Variants in NSD3 observed in about 807,000 individuals in gnomAD.
NSD3 encodes the protein histone-lysine N-methyltransferase NSD3.
A neutral mutation model predicts 160.8 loss-of-function variants in NSD3; 24 were observed. The observed-to-expected ratio is 0.15, with a 90% CI of 0.11 to 0.21. The LOEUF is 0.21. Among genes scored for constraint, NSD3 ranks in the 10% least tolerant of loss-of-function variants. NSD3 has a pLI of 1.00. For missense variants in NSD3, 1,157 were observed against 1,735.9 expected, an observed-to-expected ratio of 0.67 and a Z score of 5.93; for synonymous variants, 520 against 600.0, an observed-to-expected ratio of 0.87 and a Z score of 1.95.
intron 5 of NSD3, among the ~76,000 whole-genome samples, chr8:38,330,466 G>T (rs1023187923): frequency 6.6e-6 from 1 of 152,190 alleles, no homozygotes; most frequent in African/African-American, 2.4e-5. Context: ...CTGAATTATA[G>T]TTTCCATAGG....
At chr8:38,346,986 TATAA>T (rs761631526) in intron 2 of NSD3, among the ~76,000 whole-genome samples, 5 of 152,202 alleles carry the variant, frequency 3.3e-5, no homozygotes, top group Non-Finnish European at 7.4e-5. Flanking sequence ...TTAAGTTACC[TATAA>T]AGGATGACTT....
Position 38,317,305 on chromosome 8 carries a change from A to G in NSD3, c.1856-1263T>C, listed in dbSNP as rs1809688747. ...GTGCCTGCCCATGTTAATGCTGATTAAAAAACACAAGTACACAAATCTATC... is the reference window on the plus strand; with the variant it reads ...GTGCCTGCCCATGTTAATGCTGATTGAAAAACACAAGTACACAAATCTATC... On this transcript the variant is annotated intron_variant, in intron 9 of 23. Coordinates refer to ENST00000317025, the MANE Select transcript of NSD3 (RefSeq NM_023034.2). This position sits in a 1 kb window ranked among gnomAD's most constrained non-coding sequence, Gnocchi z 5.3. The G allele has an allele frequency of 9.4e-7, 1 of 1,058,904 alleles. No homozygotes were observed. The highest frequency in any genetic ancestry group is 5.4e-5 in the Admixed American group (1 of 18,476). The allele number at this position is 1,058,904 out of a possible 1,614,324, so 65.6% of individuals were successfully genotyped here.
intron 19 of NSD3, among the ~76,000 whole-genome samples, chr8:38,284,412 G>C (rs1808809130): frequency 1.3e-5 from 2 of 152,152 alleles, no homozygotes; most frequent in South Asian, 4.1e-4. Context: ...TTTTGAGACG[G>C]AGTTTCACTC....
chr8:38,346,875 A>T (rs182332952), intron 2 of NSD3, among the ~76,000 whole-genome samples: 30 of 150,830 alleles, frequency 2.0e-4, no homozygotes, highest in Non-Finnish European at 3.3e-4. Flanking sequence ...TATATTATGA[A>T]CTCTTCATTT....
At chr8:38,369,790 T>TTTTTG (rs1287035263) in intron 1 of NSD3, among the ~76,000 whole-genome samples, 1 of 150,066 alleles carries the variant, frequency 6.7e-6, no homozygotes, top group Admixed American at 6.6e-5. Flanking sequence ...TTGTTTTTTG[T>TTTTTG]TTTTGTTTTT....
At position 38,276,457 on chromosome 8, in the gene NSD3, T is replaced by C. The variant is rs1308088116; in HGVS notation, c.3911A>G (p.Lys1304Arg). The change falls in exon 23 of 24, where the codon AAG becomes AGG. Residue 1304 changes from lysine (K) to arginine (R), a missense_variant. Lys to Arg is a conservative substitution (Grantham distance 26). Coordinates refer to ENST00000317025, the MANE Select transcript of NSD3 (RefSeq NM_023034.2). The stretch of plus-strand genomic sequence containing the variant: ...GATCTTTCGTCTCTTCTGTTTTAAC[T>C]TAGCATTTTTTGCCTTCTCTTCATT... ...STNEEKAKNA[K>R]LKQKRRKIKT... is the part of the protein sequence containing the mutation. The C allele has an allele frequency of 6.2e-7, 1 of 1,614,246 alleles. No individual in the cohort carries two copies. Among genetic ancestry groups the C allele is most frequent in the Non-Finnish European group, 8.5e-7 (1 of 1,180,038 alleles).
At position 38,272,016 on chromosome 8, in the gene NSD3, C is replaced by G. The variant is rs1808494539; in HGVS notation, c.*3625G>C. The G allele has an allele frequency of 6.6e-6, 1 of 152,202 alleles. No homozygotes were observed. 9.4% of individuals were successfully genotyped at this position (152,202 alleles called of 1,614,324 possible). A position where few individuals can be genotyped will look rare whatever the true frequency, so the allele number is the denominator to read the frequency against. Reference sequence around the variant, plus strand: ...CTGGGTTTGACCTATTGGAATACACCATGCAAGAAACTACTCAAAAAGGAA... The same window carrying G: ...CTGGGTTTGACCTATTGGAATACACGATGCAAGAAACTACTCAAAAAGGAA... On this transcript the variant is annotated 3_prime_UTR_variant, in exon 24 of 24. Transcript: ENST00000317025.
chr8:38,373,504 TTTTG>T (rs1398746971), intron 1 of NSD3, among the ~76,000 whole-genome samples: 4 of 152,202 alleles, frequency 2.6e-5, no homozygotes, highest in Non-Finnish European at 5.9e-5. Context: ...TTCTTAAAGT[TTTTG>T]TTTGTTTTTT....
chr8:38,300,691 G>A (rs1164559546), intron 14 of NSD3, among the ~76,000 whole-genome samples: 1 of 152,156 alleles, frequency 6.6e-6, no homozygotes, highest in Non-Finnish European at 1.5e-5. Context: ...AATTCATGAT[G>A]TAGCTATAAG....
intron 1 of NSD3, among the ~76,000 whole-genome samples, chr8:38,372,495 C>CT (rs565709775): frequency 0.014 from 1,825 of 132,700 alleles, 34 homozygotes; most frequent in African/African-American, 0.038. Context: ...TCTTCAGGTT[C>CT]TTTTTTTTTT....
At chr8:38,372,496 T>A (rs939302760) in intron 1 of NSD3, among the ~76,000 whole-genome samples, 3 of 133,142 alleles carry the variant, frequency 2.3e-5, no homozygotes, top group Non-Finnish European at 4.9e-5. Flanking sequence ...CTTCAGGTTC[T>A]TTTTTTTTTT....
chr8:38,320,888 G>A (rs747203515), intron 8 of NSD3, 184 bp downstream of exon 8: 1 of 452,390 alleles, frequency 2.2e-6, no homozygotes, highest in Non-Finnish European at 3.8e-6. Context: ...GAAAATGCTT[G>A]AAGCAGAATC....
chr8:38,319,217 GA>G lies in NSD3; in HGVS notation c.1810-278del, dbSNP rs1809741744. On this transcript the variant is annotated intron_variant, in intron 8 of 23. Transcript: ENST00000317025. This position sits in a 1 kb window ranked among gnomAD's most constrained non-coding sequence, Gnocchi z 4.1. ...TTCCCTTGGTATATGAAGAGAACAA[GA>G]ATACTTTCCTCAGTGTCTGGAAGGC... The G allele has an allele frequency of 3.1e-6, 1 of 320,532 alleles. No homozygotes were observed. The highest frequency in any genetic ancestry group is 5.7e-5 in the East Asian group (1 of 17,640). The allele number at this position is 320,532 out of a possible 1,614,324, so 19.9% of individuals were successfully genotyped here.
At chr8:38,361,405 T>C (rs1044789337) in intron 1 of NSD3, among the ~76,000 whole-genome samples, 1 of 152,110 alleles carries the variant, frequency 6.6e-6, no homozygotes, top group Non-Finnish European at 1.5e-5. Context: ...GCTAGGCTTA[T>C]AGGCACTGCT....
At position 38,369,774 on chromosome 8, in the gene NSD3, C is replaced by T. The variant is rs117923496; in HGVS notation, c.-45+12025G>A. Among the ~76,000 whole-genome samples, 1,061 of 152,090 alleles carry T rather than the reference C, an allele frequency of 7.0e-3. 8 individuals carry two copies. The highest frequency in any genetic ancestry group is 0.011 in the Non-Finnish European group (739 of 67,954). On this transcript the variant is annotated intron_variant, in intron 1 of 23. Coordinates refer to ENST00000317025, the MANE Select transcript of NSD3 (RefSeq NM_023034.2). Reference sequence around the variant, plus strand: ...TCTTGCCCTATACTTCACTGCCCTCCCAGTTTTGTTTTTTGTTTTTGTTTT... The same window carrying T: ...TCTTGCCCTATACTTCACTGCCCTCTCAGTTTTGTTTTTTGTTTTTGTTTT...
chr8:38,370,151 G>A (rs1811208647), intron 1 of NSD3, among the ~76,000 whole-genome samples: 1 of 152,042 alleles, frequency 6.6e-6, no homozygotes, highest in African/African-American at 2.4e-5. Context: ...CATAACAAAA[G>A]AACAACTTTC....
Position 38,315,427 on chromosome 8 carries a change from T to C in NSD3, c.2104A>G (p.Thr702Ala), listed in dbSNP as rs547284127. 5 of 1,587,158 alleles carry C rather than the reference T, an allele frequency of 3.2e-6. No homozygotes were observed. In the South Asian group the frequency reaches 4.6e-5, roughly 15 times the overall value. ...RRGTGMSKKD[T>A]VCQICESSGD... Reference sequence around the variant, plus strand: ...AGTTACCTGCCTACCTGACATACAGTGTCCTTCTTACTCATTCCAGTGCCT... The same window carrying C: ...AGTTACCTGCCTACCTGACATACAGCGTCCTTCTTACTCATTCCAGTGCCT... Residue 702 changes from threonine to alanine, a missense_variant, in exon 11 of 24, where the codon ACT (threonine) becomes GCT (alanine). Thr to Ala is a moderately conservative substitution (Grantham distance 58). Around this residue, in one of 10 missense-constraint regions of NSD3, gnomAD observed 437 missense variants for 576.6 expected, o/e 0.76. Coordinates refer to ENST00000317025, the MANE Select transcript of NSD3 (RefSeq NM_023034.2).
rs545825719 is a variant in NSD3, at chr8:38,352,801, T to G, written c.-44-4586A>C. 2.0e-5 allele frequency among the ~76,000 whole-genome samples: 3 copies of G among 152,288 alleles called. No individual in the cohort carries two copies. In the East Asian group the frequency reaches 5.8e-4, roughly 29 times the overall value. On this transcript the variant is annotated intron_variant, in intron 1 of 23. Coordinates refer to ENST00000317025, the MANE Select transcript of NSD3 (RefSeq NM_023034.2). Reference sequence around the variant, plus strand: ...TTGTATTTTTTATAGAGATGGAGTTTCACTATGTTGCCCAGGCTGATCTCG... The same window carrying G: ...TTGTATTTTTTATAGAGATGGAGTTGCACTATGTTGCCCAGGCTGATCTCG...
intron 1 of NSD3, among the ~76,000 whole-genome samples, chr8:38,370,325 A>T (rs1470775466): frequency 1.3e-5 from 2 of 151,960 alleles, no homozygotes; most frequent in African/African-American, 2.4e-5. Context: ...TTTTAAAAAA[A>T]TTTTAAACCA....
Sources: allele counts gnomAD v4.1 joint callset (sites outside exome capture counted in the v4.1 genomes callset), GRCh38; gene constraint gnomAD v4.1.1; regional missense constraint gnomAD v4.1.1; non-coding constraint Gnocchi (gnomAD v3.1); transcripts MANE v1.5; gene names NCBI Gene and HGNC (gene_info 2026-07-23, HGNC 2026-07-21).